The following MAP1B variants were observed in gnomAD, a reference collection of about 807,000 sequenced individuals.
MAP1B encodes the protein microtubule associated protein 1B, also known as microtubule-associated protein 1B.
A neutral mutation model predicts 176.1 loss-of-function variants in MAP1B; 12 were observed. The observed-to-expected ratio is 0.07, with a 90% CI of 0.04 to 0.11. The LOEUF is 0.11. Ranked by LOEUF, MAP1B falls within the 10% of genes least tolerant of loss-of-function variation. The pLI is 1.00. For missense variants in MAP1B, 2,523 were observed against 2,990.5 expected (o/e 0.84, Z 3.65); for synonymous variants, 1,044 against 1,135.0 (o/e 0.92, Z 1.61).
intron 2 of MAP1B, among the ~76,000 whole-genome samples, chr5:72,177,210 C>T (rs1401974499): frequency 2.0e-5 from 3 of 152,150 alleles, no homozygotes; most frequent in Admixed American, 2.0e-4. Flanking sequence ...TTCTGTTAGG[C>T]TGGGTTGCCT....
intron 2 of MAP1B, among the ~76,000 whole-genome samples, chr5:72,152,885 A>G (rs1361974007): frequency 6.6e-6 from 1 of 152,138 alleles, no homozygotes; most frequent in Non-Finnish European, 1.5e-5. Context: ...GGCTGCTCTC[A>G]TGCTCGCTGG....
chr5:72,168,393 C>T (rs1316660705), intron 2 of MAP1B, among the ~76,000 whole-genome samples: 1 of 152,108 alleles, frequency 6.6e-6, no homozygotes, highest in East Asian at 1.9e-4. Context: ...AAAATATGCT[C>T]CCAATTTATA....
chr5:72,131,113 G>A (rs958828992), intron 2 of MAP1B, among the ~76,000 whole-genome samples: 6 of 152,138 alleles, frequency 3.9e-5, no homozygotes, highest in African/African-American at 1.4e-4. Flanking sequence ...GTCAAGGTGA[G>A]GAGACAGACA....
rs1747504033 is a variant in MAP1B at position 72,208,587 on chromosome 5, T to C, written c.*3348T>C. 6.6e-6 allele frequency: 1 copy of C among 152,212 alleles called. No homozygotes were observed. The highest frequency in any genetic ancestry group is 1.5e-5 in the Non-Finnish European group (1 of 68,038). The allele number at this position is 152,212 out of a possible 1,614,324, so 9.4% of individuals were successfully genotyped here. ...CTCCTCCCCTCTTTAAACACCATTT[T>C]CCATGGAGTTCAAAAAAATTTTTTT... On this transcript the variant is annotated 3_prime_UTR_variant, in exon 7 of 7. Transcript: ENST00000296755.
At chr5:72,122,133 A>G (rs1174877032) in intron 2 of MAP1B, among the ~76,000 whole-genome samples, 4 of 152,208 alleles carry the variant, frequency 2.6e-5, no homozygotes, top group African/African-American at 4.8e-5. Flanking sequence ...TCTCTGTTTA[A>G]TATTCCTTGA....
At chr5:72,126,279 C>A (rs771041102) in intron 2 of MAP1B, among the ~76,000 whole-genome samples, 2 of 152,184 alleles carry the variant, frequency 1.3e-5, no homozygotes, top group African/African-American at 4.8e-5. Context: ...TCAGTCCTTT[C>A]CTTTTCTGTA....
chr5:72,181,057 G>T (rs543095497), intron 2 of MAP1B, among the ~76,000 whole-genome samples: 98 of 152,256 alleles, frequency 6.4e-4, no homozygotes, highest in African/African-American at 2.3e-3. Context: ...CAGTAAAGGG[G>T]GATAATCATA....
At chr5:72,115,625 A>G in intron 1 of MAP1B, 73 bp from the exon 2 acceptor site, 3 of 847,584 alleles carry the variant, frequency 3.5e-6, no homozygotes, top group Admixed American at 3.4e-5. Flanking sequence ...GAGAAATATT[A>G]CAGTGATGTT....
chr5:72,193,404 G>T, intron 4 of MAP1B: 3 of 316,192 alleles, frequency 9.5e-6, no homozygotes, highest in Non-Finnish European at 1.9e-5. Context: ...TATTAGTGGT[G>T]AAATGACCCA....
chr5:72,142,970 A>G (rs900351323), intron 2 of MAP1B, among the ~76,000 whole-genome samples: 1 of 152,058 alleles, frequency 6.6e-6, no homozygotes, highest in African/African-American at 2.4e-5. Context: ...CAAAAATAAG[A>G]TTTTCTAGTT....
At chr5:72,158,907 A>G (rs953188830) in intron 2 of MAP1B, among the ~76,000 whole-genome samples, 1 of 152,234 alleles carries the variant, frequency 6.6e-6, no homozygotes, top group Admixed American at 6.5e-5. Context: ...TTTGGGCAAC[A>G]TGGCCTAATC....
chr5:72,145,040 G>A lies in MAP1B; in HGVS notation c.286+29241G>A, dbSNP rs1280092531. On this transcript the variant is annotated intron_variant, in intron 2 of 6. Transcript: ENST00000296755. Reference sequence around the variant, plus strand: ...TATACTCTGTTTTGGTGAAAATCACGCTCTGTCCAGCTGTGGGGAGCACTG... The same window carrying A: ...TATACTCTGTTTTGGTGAAAATCACACTCTGTCCAGCTGTGGGGAGCACTG... 3.3e-5 allele frequency among the ~76,000 whole-genome samples: 5 copies of A among 152,076 alleles called. No homozygotes were observed. In the East Asian group the frequency reaches 5.8e-4, roughly 18 times the overall value.
chr5:72,174,643 G>A (rs1158831485), intron 2 of MAP1B, among the ~76,000 whole-genome samples: 2 of 152,144 alleles, frequency 1.3e-5, no homozygotes, highest in African/African-American at 2.4e-5. Context: ...ACATGCAGAG[G>A]AGGAGACTCC....
In MAP1B at chr5:72,194,589, T is replaced by C; in HGVS notation, c.1234T>C (p.Phe412Leu). 6.2e-7 allele frequency: 1 copy of C among 1,614,008 alleles called. No individual in the cohort carries two copies. The highest frequency in any genetic ancestry group is 1.3e-5 in the African/African-American group (1 of 75,048). ...CAATACTATTGATCCTGTCATTCTT[T>C]TCCAAAAAATGGGAGTAGGTAAACT... is the stretch of plus-strand genomic sequence containing the variant. ...VGNTIDPVIL[F>L]QKMGVGKLEM... is the part of the protein sequence containing the mutation. Residue 412 changes from phenylalanine (F) to leucine (L), a missense_variant, in exon 5 of 7, where the codon TTC (phenylalanine) becomes CTC (leucine). Physicochemically the swap from Phe to Leu is conservative, Grantham distance 22. This residue lies in a region of MAP1B where 1,925 missense variants were observed against 2,126.0 expected (regional missense o/e 0.91). Coordinates refer to ENST00000296755, the MANE Select transcript of MAP1B (RefSeq NM_005909.5). The surrounding 1 kb of genome is among the most constrained non-coding windows in gnomAD (Gnocchi z 7.2).
chr5:72,174,622 C>G (rs941250106), intron 2 of MAP1B, among the ~76,000 whole-genome samples: 3 of 152,166 alleles, frequency 2.0e-5, no homozygotes, highest in African/African-American at 7.2e-5. Context: ...CTGCTGGACC[C>G]CTTACATTTT....
chr5:72,128,319 T>C (rs933027725), intron 2 of MAP1B, among the ~76,000 whole-genome samples: 1 of 151,970 alleles, frequency 6.6e-6, no homozygotes, highest in Non-Finnish European at 1.5e-5. Flanking sequence ...TCCTCAATAC[T>C]AATATGATTG....
intron 1 of MAP1B, 91 bp downstream of exon 1, chr5:72,107,806 G>A: frequency 7.2e-7 from 1 of 1,379,396 alleles, no homozygotes; most frequent in East Asian, 2.5e-5. Flanking sequence ...CTCCTCCCGC[G>A]CGCCCCGCAC....
intron 2 of MAP1B, among the ~76,000 whole-genome samples, chr5:72,149,996 G>C (rs1746113736): frequency 6.6e-6 from 1 of 152,114 alleles, no homozygotes; most frequent in Non-Finnish European, 1.5e-5. Context: ...TGTCTGAGTG[G>C]GTATATCATG....
chr5:72,201,070 T>C (rs1747324662), intron 5 of MAP1B, among the ~76,000 whole-genome samples: 1 of 152,152 alleles, frequency 6.6e-6, no homozygotes, highest in East Asian at 1.9e-4. Flanking sequence ...CAGATTAAAA[T>C]TCCACTGGGA....
Sources: gnomAD v4.1 joint callset for allele counts (sites outside exome capture counted in the v4.1 genomes callset) on GRCh38, gnomAD v4.1.1 for gene constraint, gnomAD v4.1.1 regional missense constraint, Gnocchi (gnomAD v3.1) non-coding constraint, MANE v1.5 for transcripts, NCBI Gene and HGNC (gene_info 2026-07-23, HGNC 2026-07-21) for gene names.